The following CDK14 variants were observed in gnomAD, a reference collection of about 807,000 sequenced individuals.
The protein encoded by CDK14 is cyclin dependent kinase 14.
Under a neutral mutation model 60.7 loss-of-function variants are expected in CDK14, and 34 were observed. That is an observed-to-expected ratio of 0.56 (90% confidence interval 0.43 to 0.75). CDK14 has a LOEUF of 0.75. CDK14 is among the 30% of genes least tolerant of loss of function. The pLI, the probability that CDK14 is intolerant of heterozygous loss-of-function variation, is 0.00. For synonymous variants in CDK14, 197 were observed against 203.7 expected (o/e 0.97, Z 0.28); for missense variants, 482 against 564.1 (o/e 0.85, Z 1.47).
At chr7:90,781,302 G>C (rs1406984601) in intron 4 of CDK14, among the ~76,000 whole-genome samples, 1 of 152,158 alleles carries the variant, frequency 6.6e-6, no homozygotes, top group Non-Finnish European at 1.5e-5. Flanking sequence ...GTTCATTGTA[G>C]ATTCTGGATA....
intron 9 of CDK14, among the ~76,000 whole-genome samples, chr7:90,976,160 C>T (rs1431296210): frequency 6.6e-6 from 1 of 152,060 alleles, no homozygotes; most frequent in East Asian, 1.9e-4. Flanking sequence ...TAAGAGTTCC[C>T]TTTTCTCCAC....
intron 10 of CDK14, among the ~76,000 whole-genome samples, chr7:90,986,818 AC>A (rs1479363538): frequency 6.6e-6 from 1 of 151,964 alleles, no homozygotes; most frequent in Non-Finnish European, 1.5e-5. Flanking sequence ...AATTTTCTGA[AC>A]TTTAGACTCC....
rs577332262 is a variant in CDK14 at position 91,016,563 on chromosome 7, C to T, written c.1042-29334C>T. ...TTTAACTACCCCTCCTCAGCCCACC[C>T]AACCTGGTTTTCAATTATTTCAGAT... On this transcript the variant is annotated intron_variant, in intron 10 of 14. Transcript: ENST00000380050. Among the ~76,000 whole-genome samples the T allele has an allele frequency of 2.5e-4, 38 of 152,294 alleles. 1 individual carries two copies. The South Asian group carries it at 7.7e-3, about 31-fold the overall frequency.
chr7:90,950,615 G>A (rs1437642618), intron 8 of CDK14, among the ~76,000 whole-genome samples: 1 of 152,204 alleles, frequency 6.6e-6, no homozygotes, highest in Non-Finnish European at 1.5e-5. Context: ...ATGGTGATGT[G>A]TAGCAGTCAG....
intron 2 of CDK14, among the ~76,000 whole-genome samples, chr7:90,627,098 T>G (rs1584750782): frequency 6.6e-6 from 1 of 152,186 alleles, no homozygotes; most frequent in African/African-American, 2.4e-5. Context: ...ATTTTTACTC[T>G]TATTTTGTAT....
intron 1 of CDK14, among the ~76,000 whole-genome samples, chr7:90,596,961 C>G (rs1041535074): frequency 6.6e-6 from 1 of 152,124 alleles, no homozygotes; most frequent in African/African-American, 2.4e-5. Flanking sequence ...TATGGGTTCT[C>G]CCCTCCTCCG....
intron 10 of CDK14, among the ~76,000 whole-genome samples, chr7:91,010,580 T>A (rs1024427742): frequency 1.3e-5 from 2 of 152,076 alleles, no homozygotes; most frequent in Non-Finnish European, 2.9e-5. Flanking sequence ...ATTGGTTTTT[T>A]TATATTCATA....
intron 2 of CDK14, among the ~76,000 whole-genome samples, chr7:90,649,816 T>C (rs903563492): frequency 6.6e-6 from 1 of 152,148 alleles, no homozygotes; most frequent in African/African-American, 2.4e-5. Context: ...CTGCATAGTA[T>C]TCCATGGTGT....
rs1192219642 is a variant in CDK14, at chr7:91,121,264, G to A, written c.*28+3056G>A. On this transcript the variant is annotated intron_variant, in intron 14 of 14. Coordinates refer to ENST00000380050, the MANE Select transcript of CDK14 (RefSeq NM_001287135.2). ...TTTGGCATATTAAATTTCCTCAAATGTCCCAATTCTTTGTAATGCCTAGAG... is the reference window on the plus strand; with the variant it reads ...TTTGGCATATTAAATTTCCTCAAATATCCCAATTCTTTGTAATGCCTAGAG... 5.9e-5 allele frequency among the ~76,000 whole-genome samples: 9 copies of A among 152,184 alleles called. No homozygotes were observed. The East Asian group carries it at 1.7e-3, about 29-fold the overall frequency.
At chr7:90,872,116 C>A (rs140882367) in intron 6 of CDK14, among the ~76,000 whole-genome samples, 2,420 of 152,246 alleles carry the variant, frequency 0.016, 22 homozygotes, top group Non-Finnish European at 0.022. Flanking sequence ...AGATTGAAGT[C>A]ATGTGAAGAA....
At chr7:90,668,990 A>G (rs958976685) in intron 2 of CDK14, among the ~76,000 whole-genome samples, 2 of 152,006 alleles carry the variant, frequency 1.3e-5, no homozygotes, top group Admixed American at 1.3e-4. Context: ...GCTTAGGATT[A>G]CAGGCATGAG....
At chr7:91,175,393 G>C (rs1361959164) in intron 14 of CDK14, among the ~76,000 whole-genome samples, 1 of 151,804 alleles carries the variant, frequency 6.6e-6, no homozygotes, top group Non-Finnish European at 1.5e-5. Context: ...GGAAGAAACT[G>C]CATCAACTAA....
At position 90,710,462 on chromosome 7, in the gene CDK14, A is replaced by C. The variant is rs982809564; in HGVS notation, c.124-16105A>C. The C allele has an allele frequency of 4.1e-6, 4 of 984,830 alleles. No homozygotes were observed. In the African/African-American group the frequency reaches 7.0e-5, roughly 17 times the overall value. The allele number at this position is 984,830 out of a possible 1,614,324, so 61.0% of individuals were successfully genotyped here. ...GGATCTGAGTAGAATAAATATCTCT[A>C]ATATATTAGAGACCTGGGGCTTCCT... On this transcript the variant is annotated intron_variant, in intron 2 of 14. Transcript: ENST00000380050.
intron 2 of CDK14, among the ~76,000 whole-genome samples, chr7:90,703,359 C>T (rs1245600458): frequency 1.3e-5 from 2 of 152,178 alleles, no homozygotes; most frequent in Admixed American, 1.3e-4. Flanking sequence ...CTTCTCCATG[C>T]TACACACTTG....
chr7:90,872,699 G>GTTTTA (rs3038231), intron 6 of CDK14, among the ~76,000 whole-genome samples: 105,341 of 151,028 alleles, frequency 0.7, 36,956 homozygotes, highest in East Asian at 0.92. Context: ...CTATATTCTA[G>GTTTTA]TTTTATGTGA....
At chr7:90,608,503 G>T in intron 2 of CDK14, 1 of 966,570 alleles carries the variant, frequency 1.0e-6, no homozygotes, top group South Asian at 4.8e-5. Flanking sequence ...AACTCATGCA[G>T]TTCTGCTTTA....
intron 5 of CDK14, among the ~76,000 whole-genome samples, chr7:90,831,128 C>T (rs1488424870): frequency 2.0e-5 from 3 of 152,174 alleles, no homozygotes; most frequent in Admixed American, 6.5e-5. Flanking sequence ...AGCAGTACCC[C>T]ACTCTCAGTG....
chr7:90,985,532 A>G (rs1795348833), intron 10 of CDK14, among the ~76,000 whole-genome samples: 1 of 152,212 alleles, frequency 6.6e-6, no homozygotes, highest in Non-Finnish European at 1.5e-5. Flanking sequence ...AATTTAAAAC[A>G]TGAAATCAGA....
intron 10 of CDK14, among the ~76,000 whole-genome samples, chr7:91,013,656 G>GTTTTTTTTT (rs56934476): frequency 1.1e-3 from 139 of 123,364 alleles, no homozygotes; most frequent in Non-Finnish European, 1.4e-3. Flanking sequence ...CATTGCCTCT[G>GTTTTTTTTT]TTTTTTTTTT....
Sources: gnomAD v4.1 joint callset for allele counts (sites outside exome capture counted in the v4.1 genomes callset) on GRCh38, gnomAD v4.1.1 for gene constraint, MANE v1.5 for transcripts, NCBI Gene and HGNC (gene_info 2026-07-23, HGNC 2026-07-21) for gene names.